Variants in GRHL2 observed in about 807,000 individuals in gnomAD.
GRHL2 encodes the protein grainyhead-like protein 2 homolog.
GRHL2 carries 21 observed loss-of-function variants against 83.8 expected under a neutral mutation model. That is an observed-to-expected ratio of 0.25 (90% CI 0.18 to 0.36). GRHL2 has a LOEUF of 0.36. Ranked by LOEUF, GRHL2 falls within the 10% of genes least tolerant of loss-of-function variation. The pLI, the probability that GRHL2 is intolerant of heterozygous loss-of-function variation, is 1.00. For missense variants in GRHL2, 623 were observed against 781.8 expected (o/e 0.80, Z 2.42); for synonymous variants, 280 against 278.9 (o/e 1.00, Z -0.04).
chr8:101,556,815 T>C (rs1811496260), intron 3 of GRHL2, among the ~76,000 whole-genome samples: 2 of 152,170 alleles, frequency 1.3e-5, no homozygotes, highest in Admixed American at 1.3e-4. Flanking sequence ...AAAAATATCC[T>C]CCCCACTCCC....
intron 12 of GRHL2, among the ~76,000 whole-genome samples, 182 bp from the exon 13 acceptor site, chr8:101,643,949 G>T (rs1277273544): frequency 6.6e-6 from 1 of 152,240 alleles, no homozygotes; most frequent in Non-Finnish European, 1.5e-5. Flanking sequence ...AGTGGTGTGT[G>T]TGCTGCTTCA....
At chr8:101,611,889 G>T (rs10095480) in intron 8 of GRHL2, among the ~76,000 whole-genome samples, 2 of 150,170 alleles carry the variant, frequency 1.3e-5, no homozygotes, top group Non-Finnish European at 2.9e-5. Flanking sequence ...TTTTTCAGAG[G>T]CAGCATGCGC....
intron 1 of GRHL2, among the ~76,000 whole-genome samples, chr8:101,496,138 A>G (rs552550610): frequency 2.5e-3 from 289 of 115,230 alleles, no homozygotes; most frequent in African/African-American, 8.0e-3. Context: ...ACAGTGCGAG[A>G]CTCCATCTCA....
chr8:101,555,203 G>C (rs1811466866), intron 3 of GRHL2, among the ~76,000 whole-genome samples: 1 of 152,222 alleles, frequency 6.6e-6, no homozygotes, highest in South Asian at 2.1e-4. Context: ...CTGTGTGTGT[G>C]CAAAGCCTGG....
rs183789150 is a variant in GRHL2 at position 101,663,151 on chromosome 8, T to C, written c.1699-1303T>C. Among the ~76,000 whole-genome samples, 5 of 152,322 alleles carry C rather than the reference T, an allele frequency of 3.3e-5. No homozygotes were observed. In the East Asian group the frequency reaches 5.8e-4, roughly 18 times the overall value. ...AGACCTGATTACTAGATATGGAATA[T>C]GTGGGTCAAAGGATATATGCATTAA... On this transcript the variant is annotated intron_variant, in intron 14 of 15. Coordinates refer to ENST00000646743, the MANE Select transcript of GRHL2 (RefSeq NM_024915.4).
chr8:101,652,503 T>TGTGTGTG, intron 14 of GRHL2, among the ~76,000 whole-genome samples: 1 of 94,672 alleles, frequency 1.1e-5, no homozygotes. Context: ...GTGTGGTGTG[T>TGTGTGTG]GTGTGTGGTG....
chr8:101,549,312 G>C (rs1231714848), intron 2 of GRHL2, among the ~76,000 whole-genome samples: 1 of 152,208 alleles, frequency 6.6e-6, no homozygotes, highest in Non-Finnish European at 1.5e-5. Flanking sequence ...CTACCTGAGA[G>C]TAATGGGAAG....
At chr8:101,562,507 C>G (rs1357528879) in intron 4 of GRHL2, 1 of 278,016 alleles carries the variant, frequency 3.6e-6, no homozygotes, top group Non-Finnish European at 6.7e-6. Context: ...CGTGTGGGTC[C>G]CCACCAACCA....
At chr8:101,663,997 A>T (rs1489413299) in intron 14 of GRHL2, among the ~76,000 whole-genome samples, 2 of 151,946 alleles carry the variant, frequency 1.3e-5, no homozygotes, top group Non-Finnish European at 2.9e-5. Context: ...GCTTAGAAAG[A>T]TCTTCCTTAC....
intron 9 of GRHL2, among the ~76,000 whole-genome samples, chr8:101,620,137 G>A (rs1403324720): frequency 6.6e-6 from 1 of 152,142 alleles, no homozygotes; most frequent in Non-Finnish European, 1.5e-5. Context: ...TAGAGAGAGA[G>A]CACGTGCACA....
chr8:101,495,138 G>A (rs543367875), intron 1 of GRHL2, among the ~76,000 whole-genome samples: 3 of 152,296 alleles, frequency 2.0e-5, no homozygotes, highest in Non-Finnish European at 4.4e-5. Context: ...GTAAGTAAAC[G>A]GGCCCCTGGG....
At chr8:101,507,842 G>T (rs1487167206) in intron 1 of GRHL2, among the ~76,000 whole-genome samples, 1 of 132,410 alleles carries the variant, frequency 7.6e-6, no homozygotes, top group Non-Finnish European at 1.5e-5. Flanking sequence ...CAGTGGTGCA[G>T]TCTCAGCTCA....
chr8:101,545,869 CA>C (rs1811252235), intron 2 of GRHL2, among the ~76,000 whole-genome samples: 3 of 111,472 alleles, frequency 2.7e-5, no homozygotes, highest in African/African-American at 1.1e-4. Context: ...CTCTTTGTAA[CA>C]TTTTTTTTTT....
downstream of GRHL2, among the ~76,000 whole-genome samples, chr8:101,671,129 G>A (rs1297609470): frequency 6.6e-6 from 1 of 152,188 alleles, no homozygotes; most frequent in Non-Finnish European, 1.5e-5. Flanking sequence ...ATTTCCATCT[G>A]AGGTACCGGG....
In GRHL2 at chr8:101,666,863, C is replaced by T. The variant is rs549794316; in HGVS notation, c.*160C>T. 793 of 683,656 alleles carry T rather than the reference C, an allele frequency of 1.2e-3. 3 individuals are homozygous for T. Among genetic ancestry groups the T allele is most frequent in the African/African-American group, 3.1e-3 (176 of 56,838 alleles). 42.3% of individuals were successfully genotyped at this position (683,656 alleles called of 1,614,324 possible). A position where few individuals can be genotyped will look rare whatever the true frequency, so the allele number is the denominator to read the frequency against. On this transcript the variant is annotated 3_prime_UTR_variant, in exon 16 of 16. Transcript: ENST00000646743. Reference sequence around the variant, plus strand: ...TGGGGCAAGGGACAGGCCCCACTGTCGGTGTGCTTGGCCCATCCACTGGCA... The same window carrying T: ...TGGGGCAAGGGACAGGCCCCACTGTTGGTGTGCTTGGCCCATCCACTGGCA...
At chr8:101,542,545 C>G (rs1470016530) in intron 1 of GRHL2, among the ~76,000 whole-genome samples, 1 of 139,194 alleles carries the variant, frequency 7.2e-6, no homozygotes, top group Non-Finnish European at 1.6e-5. Context: ...AAGAGTGAAA[C>G]TCCGTCTCAG....
At chr8:101,661,273 G>T (rs1813915356) in intron 14 of GRHL2, among the ~76,000 whole-genome samples, 1 of 152,200 alleles carries the variant, frequency 6.6e-6, no homozygotes, top group South Asian at 2.1e-4. Flanking sequence ...CAAGTTTACA[G>T]CATGCCACTG....
chr8:101,567,819 A>G (rs1308737416), intron 4 of GRHL2, among the ~76,000 whole-genome samples: 2 of 152,154 alleles, frequency 1.3e-5, no homozygotes, highest in Non-Finnish European at 2.9e-5. Flanking sequence ...TACAAGTCCA[A>G]TATGCTTTAG....
At chr8:101,547,040 T>C (rs904549216) in intron 2 of GRHL2, among the ~76,000 whole-genome samples, 18 of 152,228 alleles carry the variant, frequency 1.2e-4, no homozygotes, top group African/African-American at 4.3e-4. Flanking sequence ...CTTGAAACAT[T>C]TTAGTGTTTC....
Sources: gnomAD v4.1 joint callset for allele counts (sites outside exome capture counted in the v4.1 genomes callset) on GRCh38, gnomAD v4.1.1 for gene constraint, MANE v1.5 for transcripts, NCBI Gene and HGNC (gene_info 2026-07-23, HGNC 2026-07-21) for gene names.